The following CACNA1D variants were observed in gnomAD, a reference collection of about 807,000 sequenced individuals.
CACNA1D encodes the protein calcium voltage-gated channel subunit alpha1 D.
CACNA1D carries 55 observed loss-of-function variants against 257.1 expected under a neutral mutation model. The observed-to-expected ratio is 0.21, with a 90% CI of 0.17 to 0.27. The LOEUF (loss-of-function observed/expected upper bound fraction) is 0.27, where lower values mean the gene tolerates loss of function less well. CACNA1D is among the 10% of genes least tolerant of loss of function. CACNA1D has a pLI of 1.00. For missense variants in CACNA1D, 1,876 were observed against 2,784.0 expected, an observed-to-expected ratio of 0.67 and a Z score of 7.34; for synonymous variants, 980 against 1,014.9, an observed-to-expected ratio of 0.97 and a Z score of 0.65.
chr3:53,767,245 T>C (rs545438341), intron 30 of CACNA1D, among the ~76,000 whole-genome samples: 1 of 152,244 alleles, frequency 6.6e-6, no homozygotes, highest in African/African-American at 2.4e-5. Flanking sequence ...GGCAGCATAT[T>C]TGAATCACCA....
chr3:53,710,301 C>T, intron 9 of CACNA1D: 1 of 431,140 alleles, frequency 2.3e-6, no homozygotes, highest in Non-Finnish European at 4.7e-6. Context: ...GTGAGGCAAC[C>T]TGGCTGGCAG....
At chr3:53,627,910 G>A (rs1352932641) in intron 3 of CACNA1D, among the ~76,000 whole-genome samples, 1 of 152,104 alleles carries the variant, frequency 6.6e-6, no homozygotes, top group African/African-American at 2.4e-5. Flanking sequence ...CTACTCAGGA[G>A]GCAGAGGCTG....
intron 3 of CACNA1D, among the ~76,000 whole-genome samples, chr3:53,540,487 T>C (rs1027192024): frequency 2.6e-5 from 4 of 151,972 alleles, no homozygotes; most frequent in Non-Finnish European, 5.9e-5. Flanking sequence ...ATATGTGGTA[T>C]ATAGTAAAGA....
intron 5 of CACNA1D, 45 bp downstream of exon 5, chr3:53,660,320 T>C (rs1271763295): frequency 1.2e-6 from 2 of 1,604,284 alleles, no homozygotes; most frequent in East Asian, 4.5e-5. Flanking sequence ...GCTGGTTTTT[T>C]CTTCCAGGTG....
chr3:53,617,537 A>G (rs2093650820), intron 3 of CACNA1D, among the ~76,000 whole-genome samples: 1 of 152,198 alleles, frequency 6.6e-6, no homozygotes, highest in Admixed American at 6.5e-5. Context: ...ACTTAGCATA[A>G]TGACTGGCTC....
At chr3:53,503,823 A>T (rs2107152564) in intron 3 of CACNA1D, among the ~76,000 whole-genome samples, 1 of 152,114 alleles carries the variant, frequency 6.6e-6, no homozygotes, top group East Asian at 1.9e-4. Flanking sequence ...CCTTTCTAAA[A>T]GCCAACGTAT....
At chr3:53,681,455 A>G (rs544339375) in intron 8 of CACNA1D, among the ~76,000 whole-genome samples, 38 of 152,202 alleles carry the variant, frequency 2.5e-4, no homozygotes, top group Non-Finnish European at 4.3e-4. Flanking sequence ...TAACTTCCTA[A>G]GAATGACTTA....
chr3:53,726,777 A>G, intron 14 of CACNA1D, 102 bp from the exon 15 acceptor site: 5 of 1,453,190 alleles, frequency 3.4e-6, no homozygotes, highest in South Asian at 1.1e-5. Context: ...CTGGACTGTG[A>G]AAGGCAGCTT....
chr3:53,523,915 G>A (rs2091669563), intron 3 of CACNA1D, among the ~76,000 whole-genome samples: 1 of 152,190 alleles, frequency 6.6e-6, no homozygotes, highest in South Asian at 2.1e-4. Flanking sequence ...GAGCCTTGAG[G>A]GCAAGGACAG....
intron 3 of CACNA1D, among the ~76,000 whole-genome samples, chr3:53,608,770 A>G (rs1359926016): frequency 1.3e-5 from 2 of 152,204 alleles, no homozygotes; most frequent in East Asian, 3.8e-4. Flanking sequence ...AATATAGTAA[A>G]TAGCATTAAT....
In CACNA1D at chr3:53,811,818, G is replaced by GT. The variant is rs1038374780; in HGVS notation, c.*413dup. On this transcript the variant is annotated 3_prime_UTR_variant, in exon 48 of 48. Transcript: ENST00000350061. The surrounding 1 kb of genome is among the most constrained non-coding windows in gnomAD (Gnocchi z 4.2). ...AAAGGTGATGACGATCATCACACCT[G>GT]TGTCGTTACCTCAGCCATCGGTCTA... The GT allele has an allele frequency of 3.1e-5, 5 of 161,462 alleles. No homozygotes were observed. Among genetic ancestry groups the GT allele is most frequent in the Non-Finnish European group, 5.4e-5 (4 of 73,984 alleles). 10.0% of individuals were successfully genotyped at this position (161,462 alleles called of 1,614,324 possible).
intron 40 of CACNA1D, among the ~76,000 whole-genome samples, chr3:53,795,147 G>T (rs1440834622): frequency 6.6e-6 from 1 of 152,208 alleles, no homozygotes; most frequent in African/African-American, 2.4e-5. Context: ...ATCAGGGCAG[G>T]ATAGAAAGTG....
At chr3:53,718,601 C>CCCCCCCCAAAAAAAAA in intron 10 of CACNA1D, 3 of 1,103,196 alleles carry the variant, frequency 2.7e-6, no homozygotes, top group Non-Finnish European at 2.7e-6. Context: ...CCCCCCGGCC[C>CCCCCCCCAAAAAAAAA]AGCATTTCAC....
At chr3:53,546,991 G>C in intron 3 of CACNA1D, among the ~76,000 whole-genome samples, 3 of 152,222 alleles carry the variant, frequency 2.0e-5, no homozygotes. Flanking sequence ...ACCAAACATT[G>C]GCCCAAAGAG....
Position 53,745,629 on chromosome 3 carries a change from G to C in CACNA1D, c.3012G>C (p.Val1004=). Residue 1004 remains valine (V), a synonymous_variant, in exon 24 of 48, where the codon GTG becomes GTC. Transcript: ENST00000350061. ...AINRAKGLKH[V]VQCVFVAIRT... ...CCCCTCTGCCCTCTCCGCAGCACGT[G>C]GTCCAGTGCGTCTTCGTGGCCATCC... 1.2e-6 allele frequency: 2 copies of C among 1,610,578 alleles called. No homozygotes were observed. Among genetic ancestry groups the C allele is most frequent in the Non-Finnish European group, 1.7e-6 (2 of 1,176,790 alleles).
intron 3 of CACNA1D, among the ~76,000 whole-genome samples, chr3:53,562,186 A>C (rs1298913179): frequency 6.6e-6 from 1 of 152,354 alleles, no homozygotes; most frequent in Non-Finnish European, 1.5e-5. Flanking sequence ...AGCAGCTGCA[A>C]TTGTCACAAA....
intron 3 of CACNA1D, among the ~76,000 whole-genome samples, chr3:53,537,460 G>A (rs144422871): frequency 4.6e-5 from 7 of 151,862 alleles, no homozygotes; most frequent in African/African-American, 1.7e-4. Flanking sequence ...GCAAATCTCA[G>A]GTATATCATT....
At chr3:53,802,736 T>C (rs2095542537) in intron 43 of CACNA1D, among the ~76,000 whole-genome samples, 1 of 152,214 alleles carries the variant, frequency 6.6e-6, no homozygotes, top group South Asian at 2.1e-4. Context: ...GGGAGCCATG[T>C]GGGCCCAAGT....
rs562656411 is a variant in CACNA1D at position 53,745,967 on chromosome 3, G to C, written c.3167+92G>C. 1.5e-4 allele frequency: 149 copies of C among 1,024,026 alleles called. No individual in the cohort carries two copies. In the African/African-American group the frequency reaches 2.1e-3, roughly 15 times the overall value. The allele number at this position is 1,024,026 out of a possible 1,614,324, so 63.4% of individuals were successfully genotyped here. On this transcript the variant is annotated intron_variant, in intron 25 of 47. Transcript: ENST00000350061. Reference sequence around the variant, plus strand: ...TGTTGGCACGTCAGAAGTTTTGGTCGTGAAATAAAATAGGCCTGTGTGCTC... The same window carrying C: ...TGTTGGCACGTCAGAAGTTTTGGTCCTGAAATAAAATAGGCCTGTGTGCTC...
Sources: allele counts gnomAD v4.1 joint callset (sites outside exome capture counted in the v4.1 genomes callset), GRCh38; gene constraint gnomAD v4.1.1; non-coding constraint Gnocchi (gnomAD v3.1); transcripts MANE v1.5; gene names NCBI Gene and HGNC (gene_info 2026-07-23, HGNC 2026-07-21).